ARFIP1: variants seen among roughly 807,000 people sequenced by gnomAD.
The protein encoded by ARFIP1 is arfaptin-1.
In ARFIP1, 24 loss-of-function variants were observed where a neutral mutation model predicts 42.5. The ratio of observed to expected loss-of-function variants is 0.57; its 90% CI spans 0.41 to 0.80. The LOEUF (loss-of-function observed/expected upper bound fraction) is 0.80, where lower values mean the gene tolerates loss of function less well. ARFIP1 is among the 30% of genes least tolerant of loss of function. The pLI is 0.00. For missense variants in ARFIP1, 354 were observed against 434.0 expected, an observed-to-expected ratio of 0.82 and a Z score of 1.64; for synonymous variants, 141 against 153.7, an observed-to-expected ratio of 0.92 and a Z score of 0.61.
chr4:152,824,349 C>T (rs539353976), intron 1 of ARFIP1, among the ~76,000 whole-genome samples: 3 of 151,598 alleles, frequency 2.0e-5, no homozygotes, highest in Non-Finnish European at 2.9e-5. Context: ...TCTCCATGAT[C>T]GAGTGAATTT....
intron 2 of ARFIP1, among the ~76,000 whole-genome samples, chr4:152,830,002 TATTA>T (rs906629902): frequency 1.3e-5 from 2 of 152,124 alleles, no homozygotes; most frequent in East Asian, 1.9e-4. Context: ...TTTATAAGAC[TATTA>T]ATTCTGTTTG....
At chr4:152,888,884 G>A (rs1017462755) in intron 8 of ARFIP1, among the ~76,000 whole-genome samples, 2 of 152,150 alleles carry the variant, frequency 1.3e-5, no homozygotes, top group Admixed American at 1.3e-4. Flanking sequence ...ATAGGCTCCT[G>A]TGTTTTGGTT....
At chr4:152,786,357 C>A (rs551257917) in intron 1 of ARFIP1, among the ~76,000 whole-genome samples, 24 of 152,264 alleles carry the variant, frequency 1.6e-4, no homozygotes, top group Admixed American at 4.6e-4. Context: ...AACTGCACAA[C>A]GTTGGTTCTT....
chr4:152,780,184 G>A lies in ARFIP1; in HGVS notation c.-52G>A, dbSNP rs947865821. On this transcript the variant is annotated 5_prime_UTR_variant, in exon 1 of 9. Transcript: ENST00000353617. ...AGGCGATTCCAGAGAGCGGCGGAAA[G>A]GATAAGCCTCGACTTAGAAGCTACC... is the stretch of plus-strand genomic sequence containing the variant. The A allele has an allele frequency of 2.0e-5, 3 of 152,314 alleles. No individual in the cohort carries two copies. The highest frequency in any genetic ancestry group is 4.4e-5 in the Non-Finnish European group (3 of 68,104). 9.4% of individuals were successfully genotyped at this position (152,314 alleles called of 1,614,324 possible).
At chr4:152,907,373 TACAG>T (rs1738449658) in intron 8 of ARFIP1, among the ~76,000 whole-genome samples, 2 of 151,978 alleles carry the variant, frequency 1.3e-5, no homozygotes, top group South Asian at 2.1e-4. Flanking sequence ...ATGTTTAACA[TACAG>T]ACAAAATATA....
At chr4:152,888,872 T>G (rs1381707545) in intron 8 of ARFIP1, among the ~76,000 whole-genome samples, 2 of 152,192 alleles carry the variant, frequency 1.3e-5, no homozygotes, top group Non-Finnish European at 2.9e-5. Flanking sequence ...ATTCATATAC[T>G]AATAGGCTCC....
chr4:152,830,091 A>C (rs113441487), intron 2 of ARFIP1, among the ~76,000 whole-genome samples: 3 of 152,196 alleles, frequency 2.0e-5, no homozygotes, highest in Non-Finnish European at 2.9e-5. Flanking sequence ...CATAATTTCT[A>C]AATAGCCACT....
intron 8 of ARFIP1, among the ~76,000 whole-genome samples, chr4:152,904,957 T>C (rs1294458066): frequency 2.0e-5 from 3 of 152,202 alleles, no homozygotes; most frequent in African/African-American, 7.2e-5. Context: ...TTCTAGATCC[T>C]TGAGGAATCA....
chr4:152,790,776 C>T (rs1731102139), intron 1 of ARFIP1, among the ~76,000 whole-genome samples: 1 of 144,600 alleles, frequency 6.9e-6, no homozygotes, highest in African/African-American at 2.6e-5. Flanking sequence ...ATCTGTTGCC[C>T]AGGCTGGAGT....
At chr4:152,854,916 C>T (rs760474924) in intron 2 of ARFIP1, among the ~76,000 whole-genome samples, 2 of 152,168 alleles carry the variant, frequency 1.3e-5, no homozygotes, top group Non-Finnish European at 2.9e-5. Context: ...TGGGTCCAGG[C>T]GAGTGGATTT....
At chr4:152,870,932 T>C in intron 4 of ARFIP1, 84 bp downstream of exon 4, 1 of 1,204,856 alleles carries the variant, frequency 8.3e-7, no homozygotes, top group South Asian at 1.3e-5. Context: ...TCACTTGCTT[T>C]ATATTCTTAG....
At chr4:152,909,277 C>T (rs554213804) in intron 8 of ARFIP1, among the ~76,000 whole-genome samples, 3 of 152,108 alleles carry the variant, frequency 2.0e-5, no homozygotes, top group Admixed American at 6.5e-5. Flanking sequence ...CCCAGCTACT[C>T]GGGAGGCCAA....
chr4:152,855,701 G>T (rs1031981762), intron 2 of ARFIP1, among the ~76,000 whole-genome samples: 4 of 152,174 alleles, frequency 2.6e-5, no homozygotes, highest in Admixed American at 6.5e-5. Context: ...CTTCCTTTCT[G>T]GGGCAGTGCC....
chr4:152,802,697 T>C (rs184926565), intron 1 of ARFIP1, among the ~76,000 whole-genome samples: 94 of 152,328 alleles, frequency 6.2e-4, no homozygotes, highest in Non-Finnish European at 1.1e-3. Flanking sequence ...AGATCCTTTC[T>C]AGAAAGTTTC....
At chr4:152,815,779 C>T (rs940532986) in intron 1 of ARFIP1, among the ~76,000 whole-genome samples, 1 of 120,808 alleles carries the variant, frequency 8.3e-6, no homozygotes, top group African/African-American at 3.1e-5. Context: ...GAGTCTCGCT[C>T]TGTCGCCCAG....
intron 2 of ARFIP1, among the ~76,000 whole-genome samples, chr4:152,857,873 C>T (rs1733566379): frequency 6.6e-6 from 1 of 152,192 alleles, no homozygotes; most frequent in African/African-American, 2.4e-5. Flanking sequence ...TATGTCCCCA[C>T]CCCCCAGAAC....
At chr4:152,880,796 C>T (rs1031270609) in intron 5 of ARFIP1, among the ~76,000 whole-genome samples, 167 bp from the exon 6 acceptor site, 3 of 152,166 alleles carry the variant, frequency 2.0e-5, no homozygotes, top group Admixed American at 6.5e-5. Context: ...TTATTAGACA[C>T]ATCTGGTGAA....
rs915378523 is a variant in ARFIP1, at chr4:152,911,890, T to C, written c.*1671T>C. 2 of 152,614 alleles carry C rather than the reference T, an allele frequency of 1.3e-5. No homozygotes were observed. The highest frequency in any genetic ancestry group is 4.8e-5 in the African/African-American group (2 of 41,450). The allele number at this position is 152,614 out of a possible 1,614,324, so 9.5% of individuals were successfully genotyped here. A position where few individuals can be genotyped will look rare whatever the true frequency, so the allele number is the denominator to read the frequency against. On this transcript the variant is annotated 3_prime_UTR_variant, in exon 9 of 9. Transcript: ENST00000353617. ...CTCTAGTGTGAATTTTGTATTCTTA[T>C]TAAACGTGTTTGCTGCAGTAAATCG...
intron 3 of ARFIP1, among the ~76,000 whole-genome samples, chr4:152,868,308 A>G (rs2149880933): frequency 6.6e-6 from 1 of 152,200 alleles, no homozygotes; most frequent in East Asian, 1.9e-4. Context: ...ATCTTTGCAC[A>G]TATGTATTCA....
Sources: allele counts gnomAD v4.1 joint callset (sites outside exome capture counted in the v4.1 genomes callset), GRCh38; gene constraint gnomAD v4.1.1; transcripts MANE v1.5; gene names NCBI Gene and HGNC (gene_info 2026-07-23, HGNC 2026-07-21).